HTT: variants seen among roughly 807,000 people sequenced by gnomAD.
HTT encodes huntington disease protein.
Under a neutral mutation model 362.3 loss-of-function variants are expected in HTT, and 104 were observed. The observed-to-expected ratio is 0.29, with a 90% CI of 0.24 to 0.34. The LOEUF is 0.34. Ranked by LOEUF, HTT falls within the 10% of genes least tolerant of loss-of-function variation. The pLI is 1.00. For synonymous variants in HTT, 1,577 were observed against 1,548.7 expected (o/e 1.02, Z -0.43); for missense variants, 3,301 against 3,928.6 (o/e 0.84, Z 4.27).
chr4:3,188,176 G>A (rs907647418), intron 39 of HTT: 13 of 274,686 alleles, frequency 4.7e-5, no homozygotes, highest in Non-Finnish European at 8.9e-5. Context: ...GGGGCAGGCA[G>A]TAGGGGCACG....
chr4:3,129,821 T>C, intron 12 of HTT, 103 bp from the exon 13 acceptor site: 1 of 1,340,086 alleles, frequency 7.5e-7, no homozygotes, highest in South Asian at 1.2e-5. Context: ...ATTTGTGTTC[T>C]GTGTGTAAAA....
intron 6 of HTT, among the ~76,000 whole-genome samples, chr4:3,108,836 A>G (rs1272089122): frequency 1.3e-5 from 2 of 152,118 alleles, no homozygotes; most frequent in Non-Finnish European, 2.9e-5. Flanking sequence ...GCTTGAGGCC[A>G]GGAGTTTGAG....
At chr4:3,093,385 C>T (rs192976146) in intron 2 of HTT, among the ~76,000 whole-genome samples, 4 of 152,130 alleles carry the variant, frequency 2.6e-5, no homozygotes, top group East Asian at 3.9e-4. Flanking sequence ...TTAAATTGTT[C>T]GCAACAAAAA....
chr4:3,142,659 C>G (rs2110200248), intron 22 of HTT, 107 bp from the exon 23 acceptor site: 2 of 574,576 alleles, frequency 3.5e-6, no homozygotes, highest in African/African-American at 1.9e-5. Flanking sequence ...AAAGTTGAGA[C>G]TGCTTAACTT....
intron 1 of HTT, among the ~76,000 whole-genome samples, chr4:3,085,402 C>T (rs891200598): frequency 6.6e-6 from 1 of 152,188 alleles, no homozygotes; most frequent in African/African-American, 2.4e-5. Flanking sequence ...TCCCAAAGTG[C>T]TGGGATTACA....
chr4:3,213,388 AT>A (rs1342835754), intron 49 of HTT, among the ~76,000 whole-genome samples: 1 of 152,196 alleles, frequency 6.6e-6, no homozygotes, highest in Non-Finnish European at 1.5e-5. Flanking sequence ...TGCTGATTAT[AT>A]TATGTGCCTG....
chr4:3,211,764 A>G (rs745749199), intron 47 of HTT, 165 bp from the exon 48 acceptor site: 1 of 572,624 alleles, frequency 1.7e-6, no homozygotes, highest in Non-Finnish European at 3.1e-6. Context: ...AATATTTATA[A>G]CAGGCATAGA....
intron 53 of HTT, among the ~76,000 whole-genome samples, chr4:3,222,182 G>A (rs1455384236): frequency 6.6e-6 from 1 of 152,256 alleles, no homozygotes; most frequent in African/African-American, 2.4e-5. Flanking sequence ...GGACAGTGCA[G>A]CCGATGTCTA....
At chr4:3,094,347 CTCTT>C (rs1478087213) in intron 2 of HTT, among the ~76,000 whole-genome samples, 1 of 152,238 alleles carries the variant, frequency 6.6e-6, no homozygotes, top group Non-Finnish European at 1.5e-5. Flanking sequence ...AATCTGATCT[CTCTT>C]TCTTTTCCCA....
chr4:3,161,402 C>A (rs971568553), intron 29 of HTT, among the ~76,000 whole-genome samples: 1 of 152,048 alleles, frequency 6.6e-6, no homozygotes, highest in Non-Finnish European at 1.5e-5. Context: ...GTGTCTTTAT[C>A]GTAGAATGAT....
intron 23 of HTT, among the ~76,000 whole-genome samples, chr4:3,144,197 T>C (rs1267591451): frequency 6.6e-5 from 10 of 152,244 alleles, no homozygotes; most frequent in Admixed American, 4.6e-4. Flanking sequence ...TGGATGATTT[T>C]TTTCTTCTTT....
At chr4:3,084,052 G>A (rs1713066996) in intron 1 of HTT, among the ~76,000 whole-genome samples, 1 of 152,150 alleles carries the variant, frequency 6.6e-6, no homozygotes, top group Non-Finnish European at 1.5e-5. Flanking sequence ...CACAGTTTTA[G>A]GGATGGAGAA....
chr4:3,222,366 A>G (rs374825172), intron 53 of HTT, 21 bp from the exon 54 acceptor site: 17 of 1,599,824 alleles, frequency 1.1e-5, no homozygotes, highest in Non-Finnish European at 1.1e-5. Context: ...ACACTCTCTC[A>G]TGTAACATTT....
At chr4:3,209,024 T>C in intron 46 of HTT, 113 bp downstream of exon 46, 1 of 1,173,636 alleles carries the variant, frequency 8.5e-7, no homozygotes, top group Admixed American at 2.9e-5. Context: ...GTTCTGGCGC[T>C]CGGCTCGGCT....
At chr4:3,215,999 C>T (rs1720377635) in intron 51 of HTT, among the ~76,000 whole-genome samples, 1 of 152,238 alleles carries the variant, frequency 6.6e-6, no homozygotes, top group African/African-American at 2.4e-5. Flanking sequence ...CCTGTCCACA[C>T]ATTTTACACA....
intron 24 of HTT, among the ~76,000 whole-genome samples, chr4:3,146,041 A>G (rs187499644): frequency 3.9e-5 from 6 of 152,360 alleles, no homozygotes; most frequent in Admixed American, 1.3e-4. Context: ...TTTACAATTT[A>G]AAATATAGAT....
At chr4:3,210,264 G>A (rs1325209451) in intron 47 of HTT, among the ~76,000 whole-genome samples, 1 of 152,186 alleles carries the variant, frequency 6.6e-6, no homozygotes, top group African/African-American at 2.4e-5. Flanking sequence ...GGTTTGGGAT[G>A]AGAACTATCT....
At chr4:3,077,185 A>AT (rs952126278) in intron 1 of HTT, among the ~76,000 whole-genome samples, 1 of 151,970 alleles carries the variant, frequency 6.6e-6, no homozygotes, top group Non-Finnish European at 1.5e-5. Context: ...CTCAAAAAAA[A>AT]TTTTTTTTAA....
Position 3,210,641 on chromosome 4 carries a change from A to T in HTT, c.6414+692A>T, listed in dbSNP as rs146502733. Among the ~76,000 whole-genome samples, 222 of 152,260 alleles carry T rather than the reference A, an allele frequency of 1.5e-3. 1 individual carries two copies. Among genetic ancestry groups the T allele is most frequent in the African/African-American group, 5.1e-3 (214 of 41,558 alleles). On this transcript the variant is annotated intron_variant, in intron 47 of 66. Transcript: ENST00000355072. ...GCCACCTCTTGGGTATGGTGCAGCC[A>T]TGGCCCAAGCAGGGCTTCTTCTCAG...
Sources: gnomAD v4.1 joint callset for allele counts (sites outside exome capture counted in the v4.1 genomes callset) on GRCh38, gnomAD v4.1.1 for gene constraint, MANE v1.5 for transcripts, NCBI Gene and HGNC (gene_info 2026-07-23, HGNC 2026-07-21) for gene names.